Variants in ZSCAN5B observed in about 807,000 individuals in gnomAD.
The protein encoded by ZSCAN5B is zinc finger and SCAN domain containing 5B.
ZSCAN5B carries 26 observed loss-of-function variants against 25.2 expected under a neutral mutation model. That is an observed-to-expected ratio of 1.03 (90% CI 0.76 to 1.43). ZSCAN5B has a LOEUF of 1.43. ZSCAN5B is among the 40% of genes most tolerant of loss of function. ZSCAN5B has a pLI of 0.00. For missense variants in ZSCAN5B, 745 were observed against 622.1 expected (o/e 1.20, Z -2.10); for synonymous variants, 244 against 240.9 (o/e 1.01, Z -0.12).
rs370792202 is a variant in ZSCAN5B, at chr19:56,189,865, G to A, written c.1450C>T (p.Arg484Cys). 3.3e-5 allele frequency: 54 copies of A among 1,613,398 alleles called. No individual in the cohort carries two copies. The African/African-American group carries it at 4.7e-4, about 14-fold the overall frequency. ...GTTTCCCGGTGTGTTTTCAGGTGAC[G>A]CTTGAATGTCCCCAGCTGACGGAAG... is the stretch of plus-strand genomic sequence containing the variant. The change falls in exon 5 of 5, where the codon CGT becomes TGT. Residue 484 changes from arginine (R) to cysteine (C), a missense_variant. Arg to Cys is a radical substitution (Grantham distance 180, BLOSUM62 -3). Transcript: ENST00000586855.
exon 2 of ZSCAN5B, chr19:56,193,151 A>G (rs1029124555): frequency 1.1e-5 from 15 of 1,335,900 alleles, no homozygotes; most frequent in Non-Finnish European, 1.5e-5. Flanking sequence ...GTTTCTTCTC[A>G]GTAATATATT....
chr19:56,197,442 T>G (rs902859845), intron 1 of ZSCAN5B, among the ~76,000 whole-genome samples: 1 of 152,186 alleles, frequency 6.6e-6, no homozygotes, highest in African/African-American at 2.4e-5. Flanking sequence ...TTCACCATGT[T>G]GGTCAGACTG....
At chr19:56,192,831 C>A (rs772032245) in exon 2 of ZSCAN5B, 16 of 1,613,074 alleles carry the variant, frequency 9.9e-6, no homozygotes, top group Non-Finnish European at 1.4e-5. Context: ...GGAGGTCGGG[C>A]CTCAGCCACA....
At chr19:56,192,466 C>T (rs528249996) in intron 2 of ZSCAN5B, among the ~76,000 whole-genome samples, 11 of 152,362 alleles carry the variant, frequency 7.2e-5, no homozygotes, top group Non-Finnish European at 8.8e-5. Flanking sequence ...TCCTTCCCTA[C>T]GTTCCATCAG....
intron 1 of ZSCAN5B, among the ~76,000 whole-genome samples, chr19:56,194,334 C>T (rs1397274903): frequency 6.6e-6 from 1 of 152,088 alleles, no homozygotes; most frequent in Non-Finnish European, 1.5e-5. Flanking sequence ...CTTGCTCTGT[C>T]ATCCAGGCTG....
exon 5 of ZSCAN5B, chr19:56,190,097 A>G: frequency 6.2e-7 from 1 of 1,614,036 alleles, no homozygotes; most frequent in Non-Finnish European, 8.5e-7. Flanking sequence ...GCCTCTCGCC[A>G]GTGTGGACTC....
At chr19:56,196,295 C>CT (rs2032808967) in intron 1 of ZSCAN5B, among the ~76,000 whole-genome samples, 1 of 152,086 alleles carries the variant, frequency 6.6e-6, no homozygotes. Context: ...CAAGTGATCC[C>CT]TATGCCTCGG....
chr19:56,194,372 C>T (rs1269244632), intron 1 of ZSCAN5B, among the ~76,000 whole-genome samples: 2 of 152,044 alleles, frequency 1.3e-5, no homozygotes, highest in East Asian at 1.9e-4. Context: ...ATGGTTCCCT[C>T]GGCCTCAACC....
chr19:56,192,960 A>C, exon 2 of ZSCAN5B: 1 of 1,612,690 alleles, frequency 6.2e-7, no homozygotes, highest in Non-Finnish European at 8.5e-7. Context: ...TTCCAAGTTG[A>C]GTTTCTGGGG....
exon 2 of ZSCAN5B, chr19:56,193,048 G>C: frequency 6.4e-7 from 1 of 1,556,536 alleles, no homozygotes; most frequent in Non-Finnish European, 8.7e-7. Flanking sequence ...CCAATTTGCA[G>C]CCATATCTAC....
chr19:56,194,435 T>C (rs552275555), intron 1 of ZSCAN5B, among the ~76,000 whole-genome samples: 1 of 152,128 alleles, frequency 6.6e-6, no homozygotes, highest in South Asian at 2.1e-4. Flanking sequence ...GGACTACAAG[T>C]GCATCACCAC....
chr19:56,197,635 G>A (rs2032827035), intron 1 of ZSCAN5B, 99 bp downstream of exon 1: 3 of 615,226 alleles, frequency 4.9e-6, no homozygotes, highest in African/African-American at 4.1e-5. Flanking sequence ...CAAAGTCTCC[G>A]AGAAAATAAA....
chr19:56,191,891 G>C lies in ZSCAN5B; in HGVS notation c.547C>G (p.Gln183Glu), dbSNP rs748363198. Residue 183 changes from glutamine to glutamate, a missense_variant, in exon 3 of 5, where the codon CAG becomes GAG. By Grantham distance (29) the Gln-to-Glu change is conservative. Coordinates refer to ENST00000586855, the Ensembl canonical transcript of ZSCAN5B. ...GCAGCGACCCTGGGCAGGATCTGCT[G>C]CTCTCGGCGGGCCTGGCCTGTCCCC... The C allele has an allele frequency of 5.6e-6, 9 of 1,614,022 alleles. No homozygotes were observed. In the South Asian group the frequency reaches 8.8e-5, roughly 16 times the overall value.
intron 3 of ZSCAN5B, among the ~76,000 whole-genome samples, chr19:56,191,224 G>A (rs900550663): frequency 3.9e-5 from 6 of 152,144 alleles, no homozygotes; most frequent in African/African-American, 7.2e-5. Context: ...TCTCCCCGCC[G>A]TGCCAATGTC....
exon 5 of ZSCAN5B, chr19:56,189,933 T>G: frequency 6.2e-7 from 1 of 1,613,696 alleles, no homozygotes; most frequent in Non-Finnish European, 8.5e-7. Flanking sequence ...CTCTCCGGAG[T>G]GGGTGCGCTG....
chr19:56,193,684 C>T (rs769224174), intron 1 of ZSCAN5B, among the ~76,000 whole-genome samples: 12 of 152,100 alleles, frequency 7.9e-5, no homozygotes, highest in Non-Finnish European at 1.3e-4. Context: ...TATGAGAGGC[C>T]GGGCGCGGTG....
exon 5 of ZSCAN5B, chr19:56,190,553 C>T: frequency 1.9e-6 from 3 of 1,612,760 alleles, no homozygotes; most frequent in Non-Finnish European, 2.5e-6. Context: ...GGGGTTCCTT[C>T]CCCTCCTTTG....
exon 5 of ZSCAN5B, chr19:56,189,922 T>C: frequency 6.2e-7 from 1 of 1,614,034 alleles, no homozygotes; most frequent in Non-Finnish European, 8.5e-7. Context: ...TTGTAGGGCT[T>C]CTCTCCGGAG....
At chr19:56,190,166 A>T in exon 5 of ZSCAN5B, 1 of 1,614,046 alleles carries the variant, frequency 6.2e-7, no homozygotes, top group African/African-American at 1.3e-5. Flanking sequence ...GATCACATTG[A>T]AAGGGTCTGT....
Sources: allele counts gnomAD v4.1 joint callset (sites outside exome capture counted in the v4.1 genomes callset), GRCh38; gene constraint gnomAD v4.1.1; transcripts MANE v1.5; gene names NCBI Gene and HGNC (gene_info 2026-07-23, HGNC 2026-07-21).